The following APBB1IP variants were observed in gnomAD, a reference collection of about 807,000 sequenced individuals.
APBB1IP encodes amyloid beta precursor protein binding family B member 1 interacting protein.
A neutral mutation model predicts 64.9 loss-of-function variants in APBB1IP; 27 were observed. The observed-to-expected ratio is 0.42, with a 90% CI of 0.31 to 0.57. APBB1IP has a LOEUF of 0.57. Ranked by LOEUF, APBB1IP falls within the 20% of genes least tolerant of loss-of-function variation. The pLI, the probability that APBB1IP is intolerant of heterozygous loss-of-function variation, is 0.20. For synonymous variants in APBB1IP, 392 were observed against 331.0 expected (o/e 1.18, Z -2.00); for missense variants, 812 against 845.5 (o/e 0.96, Z 0.49).
intron 6 of APBB1IP, among the ~76,000 whole-genome samples, chr10:26,510,734 T>TCTCACACACACA (rs375916170): frequency 7.4e-6 from 1 of 135,892 alleles, no homozygotes; most frequent in East Asian, 2.2e-4. Flanking sequence ...AGACCCTGTC[T>TCTCACACACACA]CACACACACA....
At chr10:26,532,855 C>A (rs1367539187) in intron 8 of APBB1IP, among the ~76,000 whole-genome samples, 1 of 152,212 alleles carries the variant, frequency 6.6e-6, no homozygotes, top group Non-Finnish European at 1.5e-5. Flanking sequence ...AATGCCCTTT[C>A]TGCTTCTTTC....
intron 13 of APBB1IP, 93 bp from the exon 14 acceptor site, chr10:26,562,233 T>C: frequency 2.1e-6 from 2 of 938,414 alleles, no homozygotes; most frequent in South Asian, 1.4e-5. Flanking sequence ...TTCTTTGCTT[T>C]AGAGATGCAA....
At chr10:26,533,226 T>A (rs1836576221) in intron 8 of APBB1IP, among the ~76,000 whole-genome samples, 2 of 152,242 alleles carry the variant, frequency 1.3e-5, no homozygotes, top group African/African-American at 4.8e-5. Context: ...ATTGATTGTG[T>A]ACACTATGGG....
chr10:26,465,927 A>G (rs1050422998), intron 2 of APBB1IP, among the ~76,000 whole-genome samples: 1 of 152,166 alleles, frequency 6.6e-6, no homozygotes, highest in Non-Finnish European at 1.5e-5. Context: ...TCAACGAACC[A>G]CCCCAAACTT....
chr10:26,443,701 A>G (rs1270824383), intron 2 of APBB1IP, among the ~76,000 whole-genome samples: 1 of 125,218 alleles, frequency 8.0e-6, no homozygotes, highest in African/African-American at 3.2e-5. Flanking sequence ...TGCCCAGCTA[A>G]TTAAAAAAAA....
intron 11 of APBB1IP, among the ~76,000 whole-genome samples, chr10:26,550,971 A>G (rs1836823370): frequency 6.6e-6 from 1 of 152,180 alleles, no homozygotes; most frequent in South Asian, 2.1e-4. Flanking sequence ...ATCCTACACT[A>G]ACTCTGCCGA....
intron 10 of APBB1IP, among the ~76,000 whole-genome samples, chr10:26,538,613 C>G (rs921485400): frequency 5.4e-5 from 8 of 149,360 alleles, no homozygotes; most frequent in African/African-American, 2.0e-4. Flanking sequence ...TGCACTCCAG[C>G]CTGGGGCGAC....
intron 8 of APBB1IP, among the ~76,000 whole-genome samples, chr10:26,523,589 G>A (rs1836432355): frequency 6.6e-6 from 1 of 152,126 alleles, no homozygotes; most frequent in Non-Finnish European, 1.5e-5. Context: ...CTTCAAGACT[G>A]AGGATGTGAC....
At chr10:26,554,397 T>A (rs891000392) in intron 11 of APBB1IP, among the ~76,000 whole-genome samples, 1 of 152,248 alleles carries the variant, frequency 6.6e-6, no homozygotes, top group Non-Finnish European at 1.5e-5. Flanking sequence ...TCCACGCCTC[T>A]TCTAGCTTCC....
chr10:26,537,771 T>C (rs1358318870), intron 10 of APBB1IP, among the ~76,000 whole-genome samples: 1 of 151,638 alleles, frequency 6.6e-6, no homozygotes, highest in Non-Finnish European at 1.5e-5. Context: ...CTACCTCTAC[T>C]AAAAATACAA....
chr10:26,445,103 A>C (rs970506310), intron 2 of APBB1IP, among the ~76,000 whole-genome samples: 2 of 137,096 alleles, frequency 1.5e-5, no homozygotes, highest in African/African-American at 5.6e-5. Context: ...TCAAAAAAAA[A>C]AAAGAGGAAA....
In APBB1IP at chr10:26,511,742, C is replaced by T. The variant is rs1836262775; in HGVS notation, c.532-5C>T. On this transcript the variant is annotated splice_polypyrimidine_tract_variant and splice_region_variant and intron_variant, in intron 6 of 14. Transcript: ENST00000376236. ...TTACTGGCTGCCCCATGGTTCTATC[C>T]TCAGCTCGTCGTCAAGGTGCACATG... The T allele has an allele frequency of 6.2e-7, 1 of 1,613,944 alleles. No individual in the cohort carries two copies. Among genetic ancestry groups the T allele is most frequent in the Non-Finnish European group, 8.5e-7 (1 of 1,179,968 alleles).
At chr10:26,495,051 A>T (rs1389330266) in intron 3 of APBB1IP, among the ~76,000 whole-genome samples, 1 of 148,488 alleles carries the variant, frequency 6.7e-6, no homozygotes, top group Non-Finnish European at 1.5e-5. Context: ...CTCTGTCACC[A>T]GGCTGGAGTG....
At chr10:26,542,462 C>A (rs910775552) in intron 11 of APBB1IP, among the ~76,000 whole-genome samples, 1 of 152,190 alleles carries the variant, frequency 6.6e-6, no homozygotes, top group African/African-American at 2.4e-5. Flanking sequence ...GGCCGATTTA[C>A]ATTTTTTAAA....
chr10:26,561,155 G>A (rs532120102), intron 13 of APBB1IP, among the ~76,000 whole-genome samples: 2 of 121,962 alleles, frequency 1.6e-5, no homozygotes, highest in Non-Finnish European at 3.2e-5. Context: ...TGCAAGCTCC[G>A]CCTCCTGGGT....
intron 2 of APBB1IP, among the ~76,000 whole-genome samples, chr10:26,480,963 G>A (rs1371323355): frequency 6.6e-6 from 1 of 151,916 alleles, no homozygotes; most frequent in East Asian, 1.9e-4. Context: ...TTTTCTATTT[G>A]TATCTCTTCA....
chr10:26,442,424 A>T (rs1835347724), intron 2 of APBB1IP, among the ~76,000 whole-genome samples: 1 of 152,116 alleles, frequency 6.6e-6, no homozygotes, highest in African/African-American at 2.4e-5. Context: ...ATTTTTTCTA[A>T]TTCTGTTGGG....
At chr10:26,512,290 T>C (rs1045901256) in intron 7 of APBB1IP, among the ~76,000 whole-genome samples, 1 of 152,158 alleles carries the variant, frequency 6.6e-6, no homozygotes, top group Non-Finnish European at 1.5e-5. Flanking sequence ...TCTCTAGTGG[T>C]TCCATAAGGG....
At chr10:26,540,378 C>T (rs376023396) in intron 10 of APBB1IP, among the ~76,000 whole-genome samples, 4 of 152,138 alleles carry the variant, frequency 2.6e-5, no homozygotes, top group African/African-American at 9.7e-5. Flanking sequence ...AATTCAAGAC[C>T]AGCCTGGGCA....
Sources: gnomAD v4.1 joint callset for allele counts (sites outside exome capture counted in the v4.1 genomes callset) on GRCh38, gnomAD v4.1.1 for gene constraint, MANE v1.5 for transcripts, NCBI Gene and HGNC (gene_info 2026-07-23, HGNC 2026-07-21) for gene names.